PTPRT: variants seen among roughly 807,000 people sequenced by gnomAD.
The protein encoded by PTPRT is protein tyrosine phosphatase receptor type T.
PTPRT carries 56 observed loss-of-function variants against 176.8 expected under a neutral mutation model. The observed-to-expected ratio is 0.32, with a 90% CI of 0.26 to 0.40. The LOEUF (loss-of-function observed/expected upper bound fraction) is 0.40. PTPRT is among the 10% of genes least tolerant of loss of function. The pLI, the probability that PTPRT is intolerant of heterozygous loss-of-function variation, is 1.00. For missense variants in PTPRT, 1,540 were observed against 1,908.2 expected, an observed-to-expected ratio of 0.81 and a Z score of 3.60; for synonymous variants, 783 against 739.0, an observed-to-expected ratio of 1.06 and a Z score of -0.96.
chr20:42,834,600 G>A (rs555383300), intron 2 of PTPRT, among the ~76,000 whole-genome samples: 15 of 152,232 alleles, frequency 9.9e-5, no homozygotes, highest in South Asian at 6.2e-4. Flanking sequence ...CCAAAAATCC[G>A]AAACAATGCA....
chr20:43,072,329 G>A (rs2011192493), intron 1 of PTPRT, among the ~76,000 whole-genome samples: 1 of 152,172 alleles, frequency 6.6e-6, no homozygotes, highest in South Asian at 2.1e-4. Flanking sequence ...AAGGCCTGAA[G>A]CCTGCAGATT....
intron 6 of PTPRT, among the ~76,000 whole-genome samples, chr20:42,752,668 C>T (rs1244611866): frequency 6.6e-6 from 1 of 152,226 alleles, no homozygotes; most frequent in Non-Finnish European, 1.5e-5. Context: ...TTCAGATTTT[C>T]TCCCTTCTCT....
chr20:42,157,339 TTTTC>T lies in PTPRT; in HGVS notation c.2682+4009_2682+4012del, dbSNP rs545801369. On this transcript the variant is annotated intron_variant, in intron 17 of 30. Transcript: ENST00000373187. ...GGCAGACTGTATTATTATCCAAAGA[TTTTC>T]TTTTTCTTTTTTTTTTTTTGGAGAT... is the stretch of plus-strand genomic sequence containing the variant. Among the ~76,000 whole-genome samples, 271 of 140,486 alleles carry T rather than the reference TTTTC, an allele frequency of 1.9e-3. 2 individuals carry two copies. The highest frequency in any genetic ancestry group is 7.4e-3 in the African/African-American group (253 of 34,350). 92.2% of individuals were successfully genotyped at this position (140,486 alleles called of 152,430 possible). A position where few individuals can be genotyped will look rare whatever the true frequency, so the allele number is the denominator to read the frequency against.
chr20:42,314,528 A>C (rs1318023804), intron 12 of PTPRT, among the ~76,000 whole-genome samples: 44 of 122,346 alleles, frequency 3.6e-4, no homozygotes, highest in African/African-American at 1.6e-3. Flanking sequence ...GACTGTGTCA[A>C]AAAAAAAAAA....
chr20:42,648,888 A>C (rs543287302), intron 7 of PTPRT, among the ~76,000 whole-genome samples: 1 of 139,194 alleles, frequency 7.2e-6, no homozygotes, highest in Non-Finnish European at 1.5e-5. Context: ...GTGTAATCTC[A>C]GCTCACTGCA....
intron 9 of PTPRT, among the ~76,000 whole-genome samples, chr20:42,431,751 A>G (rs1472827683): frequency 1.3e-5 from 2 of 152,226 alleles, no homozygotes; most frequent in African/African-American, 2.4e-5. Context: ...TTCCTACAAA[A>G]TCTTGAGACC....
intron 13 of PTPRT, among the ~76,000 whole-genome samples, chr20:42,263,686 T>C (rs1283908785): frequency 6.6e-6 from 1 of 151,380 alleles, no homozygotes; most frequent in Non-Finnish European, 1.5e-5. Flanking sequence ...GCCTTTTTTT[T>C]TTTTTTTAAC....
At chr20:42,872,230 G>A (rs2078857583) in intron 2 of PTPRT, among the ~76,000 whole-genome samples, 1 of 152,196 alleles carries the variant, frequency 6.6e-6, no homozygotes, top group South Asian at 2.1e-4. Flanking sequence ...GTCAAAACTA[G>A]GTAGATGAAG....
intron 9 of PTPRT, among the ~76,000 whole-genome samples, chr20:42,443,548 T>C (rs2059337578): frequency 2.0e-5 from 3 of 152,242 alleles, no homozygotes; most frequent in Non-Finnish European, 4.4e-5. Flanking sequence ...TAATACTTCC[T>C]GTTGCAGCTC....
At chr20:43,163,296 T>G (rs541452723) in intron 1 of PTPRT, among the ~76,000 whole-genome samples, 1 of 152,272 alleles carries the variant, frequency 6.6e-6, no homozygotes, top group Admixed American at 6.5e-5. Context: ...ATCCTAGGTG[T>G]GATCACATGA....
intron 1 of PTPRT, among the ~76,000 whole-genome samples, chr20:42,938,302 C>T (rs1160377080): frequency 1.3e-5 from 2 of 152,046 alleles, no homozygotes; most frequent in African/African-American, 2.4e-5. Context: ...AATCAGATAC[C>T]CAGGAAGGAT....
chr20:42,172,541 C>A (rs1422701079), intron 16 of PTPRT, among the ~76,000 whole-genome samples: 4 of 152,152 alleles, frequency 2.6e-5, no homozygotes, highest in Non-Finnish European at 4.4e-5. Flanking sequence ...AAAAAGAAGT[C>A]ATATTTTGAG....
At position 42,142,091 on chromosome 20, in the gene PTPRT, C is replaced by T. The variant is rs969030353; in HGVS notation, c.2683-89G>A. On this transcript the variant is annotated intron_variant, in intron 17 of 30. Transcript: ENST00000373187. ...AACCAACAGGGCAAAGTAAGACCCA[C>T]TGCGATGGGACTCCTAGTGGAAAGG... 5.8e-6 allele frequency: 6 copies of T among 1,042,928 alleles called. No homozygotes were observed. In the African/African-American group the frequency reaches 7.8e-5, roughly 14 times the overall value. The allele number at this position is 1,042,928 out of a possible 1,614,324, so 64.6% of individuals were successfully genotyped here. A position where few individuals can be genotyped will look rare whatever the true frequency, so the allele number is the denominator to read the frequency against.
At chr20:42,353,082 G>C (rs985648077) in intron 9 of PTPRT, among the ~76,000 whole-genome samples, 1 of 152,174 alleles carries the variant, frequency 6.6e-6, no homozygotes, top group African/African-American at 2.4e-5. Context: ...TTACAAATAT[G>C]TCTTTTACCC....
At chr20:42,926,611 T>C (rs1469795688) in intron 1 of PTPRT, among the ~76,000 whole-genome samples, 2 of 152,140 alleles carry the variant, frequency 1.3e-5, no homozygotes, top group African/African-American at 2.4e-5. Context: ...AGAGAATGCA[T>C]AGAGTGCATC....
chr20:42,853,652 C>A (rs891165208), intron 2 of PTPRT, among the ~76,000 whole-genome samples: 2 of 152,192 alleles, frequency 1.3e-5, no homozygotes, highest in East Asian at 3.9e-4. Flanking sequence ...TGGTAGACTT[C>A]TTTACTAAGT....
chr20:42,111,132 A>G (rs1986968995), intron 22 of PTPRT, among the ~76,000 whole-genome samples: 2 of 151,526 alleles, frequency 1.3e-5, no homozygotes, highest in Admixed American at 6.6e-5. Flanking sequence ...ACACCCCTCC[A>G]CCCCTCACAG....
At chr20:42,521,059 T>TATAC (rs2072166150) in intron 7 of PTPRT, among the ~76,000 whole-genome samples, 1 of 151,962 alleles carries the variant, frequency 6.6e-6, no homozygotes, top group Non-Finnish European at 1.5e-5. Flanking sequence ...CACCTACCTA[T>TATAC]ATACATACAT....
chr20:43,169,171 G>C (rs1325566913), intron 1 of PTPRT, among the ~76,000 whole-genome samples: 1 of 152,206 alleles, frequency 6.6e-6, no homozygotes, highest in African/African-American at 2.4e-5. Flanking sequence ...CAGAAGACTT[G>C]TTGAAAGCAA....
Sources: gnomAD v4.1 joint callset for allele counts (sites outside exome capture counted in the v4.1 genomes callset) on GRCh38, gnomAD v4.1.1 for gene constraint, MANE v1.5 for transcripts, NCBI Gene and HGNC (gene_info 2026-07-23, HGNC 2026-07-21) for gene names.